The following MYO18A variants were observed in gnomAD, a reference collection of about 807,000 sequenced individuals.
The protein encoded by MYO18A is myosin XVIIIA.
A neutral mutation model predicts 235.8 loss-of-function variants in MYO18A; 78 were observed. That is an observed-to-expected ratio of 0.33 (90% CI 0.28 to 0.40). The LOEUF (loss-of-function observed/expected upper bound fraction) is 0.40, where lower values mean the gene tolerates loss of function less well. MYO18A is among the 10% of genes least tolerant of loss of function. The probability of loss-of-function intolerance (pLI) is 1.00; values close to 1 mark genes in which losing one functional copy is unlikely to be tolerated. For missense variants in MYO18A, 2,215 were observed against 2,699.3 expected (o/e 0.82, Z 3.98); for synonymous variants, 977 against 1,077.8 (o/e 0.91, Z 1.83).
chr17:29,124,115 G>A (rs553722516), intron 2 of MYO18A, among the ~76,000 whole-genome samples: 2 of 152,218 alleles, frequency 1.3e-5, no homozygotes, highest in Non-Finnish European at 2.9e-5. Context: ...AGACAGGGGA[G>A]ACCTTTATGT....
chr17:29,093,350 C>A lies in MYO18A; in HGVS notation c.4899G>T (p.Glu1633Asp). Residue 1633 changes from glutamate (E) to aspartate (D), a missense_variant, in exon 32 of 42, where the codon GAG (glutamate) becomes GAT (aspartate). Physicochemically the swap from Glu to Asp is conservative, Grantham distance 45. Coordinates refer to ENST00000527372, the MANE Select transcript of MYO18A (RefSeq NM_078471.4). ...GGTCGCTGAGGGTGGCGAGCTTGCC[C>A]TCCAGCTCCCGCTTCTCTCGCAGAA... ...QKVLREKRELEGKLATLSDQV... is the reference protein window; with the variant it reads ...QKVLREKRELDGKLATLSDQV... 6.2e-7 allele frequency: 1 copy of A among 1,612,568 alleles called. No individual in the cohort carries two copies. The highest frequency in any genetic ancestry group is 8.5e-7 in the Non-Finnish European group (1 of 1,179,734).
intron 39 of MYO18A, 118 bp from the exon 40 acceptor site, chr17:29,085,766 T>G: frequency 1.4e-5 from 15 of 1,038,316 alleles, no homozygotes; most frequent in East Asian, 4.9e-5. Context: ...GAGCCAGCTC[T>G]GGCTGGTTGA....
At chr17:29,079,733 A>G (rs2066069819) in intron 41 of MYO18A, 2 of 985,916 alleles carry the variant, frequency 2.0e-6, no homozygotes, top group African/African-American at 3.5e-5. Context: ...CTACTGCACT[A>G]GTCGCTCTCG....
chr17:29,082,476 G>A (rs756128130), intron 40 of MYO18A, 38 bp from the exon 41 acceptor site: 2 of 1,599,602 alleles, frequency 1.3e-6, no homozygotes, highest in Admixed American at 3.5e-5. Context: ...ACAAGGCATA[G>A]GCACCTGCTG....
rs372438291 is a variant in MYO18A at position 29,087,023 on chromosome 17, C to T, written c.5625G>A (p.Arg1875=). 15 of 1,613,934 alleles carry T rather than the reference C, an allele frequency of 9.3e-6. No homozygotes were observed. The African/African-American group carries it at 2.0e-4, about 22-fold the overall frequency. Residue 1875 remains arginine (R), a synonymous_variant, in exon 38 of 42, where the codon CGG becomes CGA. Transcript: ENST00000527372. ...TGGTGTCCCGGAGCTGCCTCTGTAG[C>T]CGCTTGTTCTGTTCCTTCTCCCGGT... The part of the protein sequence containing the change: ...AENREKEQNK[R]LQRQLRDTKE...
chr17:29,089,797 AGGCAG>A (rs1464174168), intron 37 of MYO18A, among the ~76,000 whole-genome samples, 159 bp downstream of exon 37: 1 of 152,230 alleles, frequency 6.6e-6, no homozygotes, highest in Non-Finnish European at 1.5e-5. Context: ...AGAGCAGGCC[AGGCAG>A]GGCGGGAGAG....
At chr17:29,138,947 G>C (rs1252820436) in intron 2 of MYO18A, among the ~76,000 whole-genome samples, 2 of 152,178 alleles carry the variant, frequency 1.3e-5, no homozygotes, top group African/African-American at 4.8e-5. Context: ...CCACCAACCT[G>C]AATATGCTTT....
chr17:29,144,475 G>A (rs956593713), intron 2 of MYO18A, among the ~76,000 whole-genome samples: 3 of 152,148 alleles, frequency 2.0e-5, no homozygotes, highest in African/African-American at 7.2e-5. Context: ...ACCCGGCAAT[G>A]CAAAGAACGT....
At chr17:29,170,743 A>C (rs1448422940) in intron 1 of MYO18A, among the ~76,000 whole-genome samples, 1 of 152,250 alleles carries the variant, frequency 6.6e-6, no homozygotes, top group African/African-American at 2.4e-5. Flanking sequence ...AAGAAAGTAC[A>C]ATCTGTCAAC....
chr17:29,073,613 C>T lies in MYO18A; in HGVS notation c.*1157G>A, dbSNP rs141799150. On this transcript the variant is annotated 3_prime_UTR_variant, in exon 42 of 42. Coordinates refer to ENST00000527372, the MANE Select transcript of MYO18A (RefSeq NM_078471.4). Reference sequence around the variant, plus strand: ...AACCAATTGCAGGAGAGAAGGGGGGCGGCAGATGGGAGCAGCACCAGGCAC... The same window carrying T: ...AACCAATTGCAGGAGAGAAGGGGGGTGGCAGATGGGAGCAGCACCAGGCAC... 365 of 456,034 alleles carry T rather than the reference C, an allele frequency of 8.0e-4. 1 individual carries two copies. Among genetic ancestry groups the T allele is most frequent in the African/African-American group, 6.2e-3 (317 of 51,036 alleles). 28.2% of individuals were successfully genotyped at this position (456,034 alleles called of 1,614,324 possible). A position where few individuals can be genotyped will look rare whatever the true frequency, so the allele number is the denominator to read the frequency against.
chr17:29,125,937 C>CG lies in MYO18A; in HGVS notation c.1000-3685dup, dbSNP rs1567615081. On this transcript the variant is annotated intron_variant, in intron 2 of 41. Transcript: ENST00000527372. This position sits in a 1 kb window ranked among gnomAD's most constrained non-coding sequence, Gnocchi z 5.1. Reference sequence around the variant, plus strand: ...TCCAGCCGCTGGTGGGCCTCTTCCACGGGGGTCAGCTGGACCTTGGCAGCT... The same window carrying CG: ...TCCAGCCGCTGGTGGGCCTCTTCCACGGGGGGTCAGCTGGACCTTGGCAGCT... 1.0e-6 allele frequency: 1 copy of CG among 985,752 alleles called. No homozygotes were observed. Among genetic ancestry groups the CG allele is most frequent in the African/African-American group, 1.7e-5 (1 of 57,238 alleles). The allele number at this position is 985,752 out of a possible 1,614,324, so 61.1% of individuals were successfully genotyped here.
chr17:29,113,975 G>C (rs773394243), intron 15 of MYO18A, 36 bp downstream of exon 15: 1 of 1,520,794 alleles, frequency 6.6e-7, no homozygotes, highest in South Asian at 1.2e-5. Flanking sequence ...GGGAACGAGA[G>C]GAAAGGCTTG....
At position 29,166,113 on chromosome 17, in the gene MYO18A, C is replaced by G. The variant is rs774621053; in HGVS notation, c.828G>C (p.Leu276=). Residue 276 remains leucine (L), a synonymous_variant, in exon 2 of 42, where the codon CTG becomes CTC. Transcript: ENST00000527372. ...LALGLVPGDR[L]VEINGHNVES... is the part of the protein sequence containing the mutation. ...CCACATTGTGCCCATTAATCTCCACCAGTCGATCTCCTGGCACCAGCCCCA... is the reference window on the plus strand; with the variant it reads ...CCACATTGTGCCCATTAATCTCCACGAGTCGATCTCCTGGCACCAGCCCCA... 2 of 1,613,440 alleles carry G rather than the reference C, an allele frequency of 1.2e-6. No individual in the cohort carries two copies. Among genetic ancestry groups the G allele is most frequent in the Middle Eastern group, 1.6e-4 (1 of 6,062 alleles).
Position 29,140,253 on chromosome 17 carries a change from C to T in MYO18A, c.1000-18000G>A. On this transcript the variant is annotated intron_variant, in intron 2 of 41. Coordinates refer to ENST00000527372, the MANE Select transcript of MYO18A (RefSeq NM_078471.4). The surrounding 1 kb of genome is among the most constrained non-coding windows in gnomAD (Gnocchi z 4.2). Reference sequence around the variant, plus strand: ...CTACTTCAGCCACATCTGGGGAAATCACAAAAAGGTCCCTCCTTTCCTAAA... The same window carrying T: ...CTACTTCAGCCACATCTGGGGAAATTACAAAAAGGTCCCTCCTTTCCTAAA... 1 of 1,003,762 alleles carries T rather than the reference C, an allele frequency of 1.0e-6. No individual in the cohort carries two copies. Among genetic ancestry groups the T allele is most frequent in the Non-Finnish European group, 1.3e-6 (1 of 783,800 alleles). The allele number at this position is 1,003,762 out of a possible 1,614,324, so 62.2% of individuals were successfully genotyped here.
Position 29,095,168 on chromosome 17 carries a change from C to A in MYO18A, c.4386-109G>T, listed in dbSNP as rs896018597. On this transcript the variant is annotated intron_variant, in intron 28 of 41. Transcript: ENST00000527372. Reference sequence around the variant, plus strand: ...CAGGACTCAAGCAGGGGTGGGGGGACCCATGCAGCCCTAACGTGGGGCCAG... The same window carrying A: ...CAGGACTCAAGCAGGGGTGGGGGGAACCATGCAGCCCTAACGTGGGGCCAG... 3 of 1,412,266 alleles carry A rather than the reference C, an allele frequency of 2.1e-6. No individual in the cohort carries two copies. The African/African-American group carries it at 4.3e-5, about 20-fold the overall frequency. The allele number at this position is 1,412,266 out of a possible 1,614,324, so 87.5% of individuals were successfully genotyped here. A position where few individuals can be genotyped will look rare whatever the true frequency, so the allele number is the denominator to read the frequency against.
intron 1 of MYO18A, among the ~76,000 whole-genome samples, chr17:29,170,410 G>T (rs2003528): frequency 0.012 from 1,790 of 152,290 alleles, 25 homozygotes; most frequent in African/African-American, 0.041. Context: ...GATCTGCAAT[G>T]CGACTGCTGC....
chr17:29,148,919 G>C (rs968806993), intron 2 of MYO18A, among the ~76,000 whole-genome samples: 15 of 152,330 alleles, frequency 9.8e-5, no homozygotes, highest in African/African-American at 3.6e-4. Context: ...CACTTCCCGG[G>C]TTGGCCCACC....
At chr17:29,097,028 G>C in intron 27 of MYO18A, 113 bp from the exon 28 acceptor site, 1 of 1,390,638 alleles carries the variant, frequency 7.2e-7, no homozygotes, top group Non-Finnish European at 9.6e-7. Context: ...GGAGGAAGTC[G>C]GGTCTCCCAG....
At chr17:29,160,599 C>A (rs1473452755) in intron 2 of MYO18A, among the ~76,000 whole-genome samples, 1 of 152,240 alleles carries the variant, frequency 6.6e-6, no homozygotes, top group Non-Finnish European at 1.5e-5. Context: ...AAAGTGAACA[C>A]TGAGGCTCTG....
Sources: allele counts gnomAD v4.1 joint callset (sites outside exome capture counted in the v4.1 genomes callset), GRCh38; gene constraint gnomAD v4.1.1; non-coding constraint Gnocchi (gnomAD v3.1); transcripts MANE v1.5; gene names NCBI Gene and HGNC (gene_info 2026-07-23, HGNC 2026-07-21).